TAFA1: variants seen among roughly 807,000 people sequenced by gnomAD.
The protein encoded by TAFA1 is chemokine-like protein TAFA-1.
A neutral mutation model predicts 18.5 loss-of-function variants in TAFA1; 4 were observed. The observed-to-expected ratio is 0.22, with a 90% confidence interval of 0.11 to 0.49. The LOEUF (loss-of-function observed/expected upper bound fraction) is 0.49, where lower values mean the gene tolerates loss of function less well. TAFA1 is among the 20% of genes least tolerant of loss of function. TAFA1 has a pLI of 0.98. For missense variants in TAFA1, 147 were observed against 169.0 expected (o/e 0.87, Z 0.72); for synonymous variants, 56 against 55.2 (o/e 1.01, Z -0.06).
chr3:68,153,857 G>T (rs546921858), intron 2 of TAFA1, among the ~76,000 whole-genome samples: 3 of 152,076 alleles, frequency 2.0e-5, no homozygotes, highest in Non-Finnish European at 4.4e-5. Context: ...TGCGTGAAAA[G>T]TTCAGTTTTT....
chr3:68,210,050 C>A (rs973854253), intron 2 of TAFA1, among the ~76,000 whole-genome samples: 28 of 151,874 alleles, frequency 1.8e-4, no homozygotes, highest in African/African-American at 6.8e-4. Flanking sequence ...TTGTAATGAG[C>A]TTGTGTTTGA....
chr3:68,199,863 C>A (rs1358801070), intron 2 of TAFA1, among the ~76,000 whole-genome samples: 1 of 151,496 alleles, frequency 6.6e-6, no homozygotes, highest in East Asian at 2.0e-4. Flanking sequence ...TTAGCTAGGA[C>A]TTCCAGTATG....
At chr3:68,506,827 CTTTCA>C (rs138691634) in intron 3 of TAFA1, among the ~76,000 whole-genome samples, 120,298 of 151,204 alleles carry the variant, frequency 0.8, 48,145 homozygotes, top group African/African-American at 0.88. Context: ...AAAATATACC[CTTTCA>C]TTTCATTTCA....
intron 2 of TAFA1, among the ~76,000 whole-genome samples, chr3:68,215,867 A>G (rs567379326): frequency 9.9e-5 from 15 of 152,188 alleles, no homozygotes; most frequent in African/African-American, 3.4e-4. Context: ...ACACATGTTC[A>G]TAGTGGCTTT....
At chr3:68,068,863 T>C (rs555300249) in intron 2 of TAFA1, among the ~76,000 whole-genome samples, 1 of 152,298 alleles carries the variant, frequency 6.6e-6, no homozygotes, top group East Asian at 1.9e-4. Context: ...TATGTGAGAA[T>C]TTGCGGACTA....
intron 3 of TAFA1, among the ~76,000 whole-genome samples, chr3:68,475,133 G>C (rs938051290): frequency 1.3e-5 from 2 of 151,040 alleles, no homozygotes. Context: ...TTAAATGCTG[G>C]CTTCTATTTT....
intron 2 of TAFA1, among the ~76,000 whole-genome samples, chr3:68,370,470 GTGTATA>G (rs1391510124): frequency 0.016 from 485 of 31,114 alleles, 6 homozygotes; most frequent in African/African-American, 0.031. Context: ...GTGTGTGTGT[GTGTATA>G]TATATATATA....
chr3:68,266,966 T>C (rs1180546217), intron 2 of TAFA1, among the ~76,000 whole-genome samples: 2 of 146,282 alleles, frequency 1.4e-5, no homozygotes, highest in Non-Finnish European at 3.0e-5. Context: ...CAGTTTCTCC[T>C]ATGAATATTG....
intron 3 of TAFA1, among the ~76,000 whole-genome samples, chr3:68,463,526 C>T (rs1433482340): frequency 6.6e-6 from 1 of 152,064 alleles, no homozygotes; most frequent in African/African-American, 2.4e-5. Context: ...CCCACTTATC[C>T]TTGCCTTTTG....
chr3:67,997,757 C>A, the TAFA1 span, among the ~76,000 whole-genome samples: 1 of 151,506 alleles, frequency 6.6e-6, no homozygotes, highest in African/African-American at 2.4e-5. Context: ...TGTAGTTAAC[C>A]ACTGACACTA....
rs73106890 is a variant in TAFA1 at position 68,051,002 on chromosome 3, A to C, written c.118+44258A>C. Among the ~76,000 whole-genome samples the C allele has an allele frequency of 9.3e-3, 1,417 of 152,272 alleles. 13 individuals carry two copies. Among genetic ancestry groups the C allele is most frequent in the Non-Finnish European group, 0.016 (1,108 of 68,014 alleles). ...TGTTTACTTCTCAGCACACATACTA[A>C]AAGTACAGTCTATGTCAACCTGCCT... On this transcript the variant is annotated intron_variant, in intron 2 of 4. Coordinates refer to ENST00000478136, the MANE Select transcript of TAFA1 (RefSeq NM_213609.4).
At chr3:68,428,434 G>A (rs190781242) in intron 3 of TAFA1, among the ~76,000 whole-genome samples, 1 of 151,958 alleles carries the variant, frequency 6.6e-6, no homozygotes, top group African/African-American at 2.4e-5. Flanking sequence ...CATAAACACA[G>A]GCATCCTTCG....
intron 3 of TAFA1, among the ~76,000 whole-genome samples, chr3:68,470,091 G>C (rs917865688): frequency 6.6e-6 from 1 of 152,108 alleles, no homozygotes; most frequent in African/African-American, 2.4e-5. Context: ...CTCCTATACT[G>C]TTCTCATGGT....
chr3:68,051,576 G>C (rs983634522), intron 2 of TAFA1, among the ~76,000 whole-genome samples: 6 of 151,972 alleles, frequency 3.9e-5, no homozygotes, highest in African/African-American at 1.2e-4. Context: ...TACAATAAAG[G>C]CTTACCTGGC....
At chr3:68,452,540 A>AAC (rs2071582852) in intron 3 of TAFA1, among the ~76,000 whole-genome samples, 1 of 151,342 alleles carries the variant, frequency 6.6e-6, no homozygotes, top group African/African-American at 2.4e-5. Context: ...AAAAAAAAAA[A>AAC]ACTAGCAAAC....
intron 2 of TAFA1, among the ~76,000 whole-genome samples, chr3:68,394,632 G>A (rs2070337359): frequency 6.6e-6 from 1 of 151,872 alleles, no homozygotes; most frequent in Non-Finnish European, 1.5e-5. Flanking sequence ...CAGAACAGAG[G>A]CCTCACAAAT....
At chr3:68,424,447 C>T (rs2071016897) in intron 3 of TAFA1, among the ~76,000 whole-genome samples, 1 of 151,912 alleles carries the variant, frequency 6.6e-6, no homozygotes, top group Admixed American at 6.6e-5. Flanking sequence ...TTCAGTCTTA[C>T]AGTTTATAAC....
chr3:68,119,990 A>G (rs2065369069), intron 2 of TAFA1, among the ~76,000 whole-genome samples: 1 of 152,170 alleles, frequency 6.6e-6, no homozygotes, highest in Admixed American at 6.5e-5. Context: ...AATGTCTGCT[A>G]GGTGTTTTCA....
At chr3:68,047,478 G>A (rs2064403769) in intron 2 of TAFA1, among the ~76,000 whole-genome samples, 3 of 152,102 alleles carry the variant, frequency 2.0e-5, no homozygotes, top group Admixed American at 1.3e-4. Flanking sequence ...AATGAAGATG[G>A]GAAGCCCTCA....
Sources: gnomAD v4.1 joint callset for allele counts (sites outside exome capture counted in the v4.1 genomes callset) on GRCh38, gnomAD v4.1.1 for gene constraint, MANE v1.5 for transcripts, NCBI Gene and HGNC (gene_info 2026-07-23, HGNC 2026-07-21) for gene names.